CACNB2: variants seen among roughly 807,000 people sequenced by gnomAD.
CACNB2 encodes calcium voltage-gated channel auxiliary subunit beta 2, also known as voltage-dependent L-type calcium channel subunit beta-2.
CACNB2 carries 42 observed loss-of-function variants against 73.3 expected under a neutral mutation model. That is an observed-to-expected ratio of 0.57 (90% CI 0.45 to 0.74). The LOEUF (loss-of-function observed/expected upper bound fraction) is 0.74, where lower values mean the gene tolerates loss of function less well. Ranked by LOEUF, CACNB2 falls within the 30% of genes least tolerant of loss-of-function variation. The pLI is 0.00. For synonymous variants in CACNB2, 348 were observed against 310.3 expected, an observed-to-expected ratio of 1.12 and a Z score of -1.28; for missense variants, 940 against 853.0, an observed-to-expected ratio of 1.10 and a Z score of -1.27.
chr10:18,407,246 T>C (rs2044349162), intron 3 of CACNB2, among the ~76,000 whole-genome samples: 1 of 149,300 alleles, frequency 6.7e-6, no homozygotes, highest in African/African-American at 2.5e-5. Flanking sequence ...CTCAGCCTTC[T>C]GAGTAGCTGG....
chr10:18,430,865 G>T (rs1216656640), intron 3 of CACNB2, among the ~76,000 whole-genome samples: 1 of 152,214 alleles, frequency 6.6e-6, no homozygotes. Context: ...TGTATTTGCA[G>T]TTAGTGTCAA....
chr10:18,387,288 T>C (rs2043276279), intron 2 of CACNB2, among the ~76,000 whole-genome samples: 1 of 152,222 alleles, frequency 6.6e-6, no homozygotes, highest in Non-Finnish European at 1.5e-5. Flanking sequence ...CTCCCTGCCA[T>C]CTTCCCTCAT....
chr10:18,296,967 CT>C (rs1428923518), intron 2 of CACNB2, among the ~76,000 whole-genome samples: 1 of 152,220 alleles, frequency 6.6e-6, no homozygotes, highest in African/African-American at 2.4e-5. Flanking sequence ...AACACTTTTC[CT>C]GTAGGAGTAT....
intron 3 of CACNB2, among the ~76,000 whole-genome samples, chr10:18,410,730 C>T (rs1391442834): frequency 6.6e-6 from 1 of 152,054 alleles, no homozygotes; most frequent in African/African-American, 2.4e-5. Context: ...GCCTGTAATC[C>T]CAGCACTTTG....
chr10:18,158,017 C>T (rs2032185933), intron 2 of CACNB2, among the ~76,000 whole-genome samples: 1 of 152,136 alleles, frequency 6.6e-6, no homozygotes. Flanking sequence ...TCTTGCTGGT[C>T]ATGAAAAGTG....
intron 2 of CACNB2, among the ~76,000 whole-genome samples, chr10:18,315,499 TAAAAAAAA>T (rs756721525): frequency 2.0e-4 from 8 of 39,518 alleles, no homozygotes; most frequent in East Asian, 8.1e-4. Context: ...TGTCTCTATT[TAAAAAAAA>T]AAAAAAAAAA....
intron 2 of CACNB2, among the ~76,000 whole-genome samples, chr10:18,371,355 C>A (rs181907465): frequency 8.5e-5 from 13 of 152,142 alleles, no homozygotes; most frequent in East Asian, 1.9e-4. Flanking sequence ...ATCCCTCCCC[C>A]CTTTCCCCGA....
At position 18,510,451 on chromosome 10, in the gene CACNB2, G is replaced by A. The variant is rs887156904; in HGVS notation, c.671-3785G>A. 5.3e-5 allele frequency among the ~76,000 whole-genome samples: 8 copies of A among 152,044 alleles called. No individual in the cohort carries two copies. The South Asian group carries it at 8.3e-4, about 16-fold the overall frequency. ...CCAAGTAGCTGGGATTACAGGCACC[G>A]GCCACCACACCTGGCTAATCTTTGT... On this transcript the variant is annotated intron_variant, in intron 6 of 13. Coordinates refer to ENST00000324631, the MANE Select transcript of CACNB2 (RefSeq NM_201596.3).
intron 2 of CACNB2, among the ~76,000 whole-genome samples, chr10:18,235,532 A>T (rs28656923): frequency 0.047 from 7,186 of 152,278 alleles, 587 homozygotes; most frequent in African/African-American, 0.16. Flanking sequence ...ATAATAATAA[A>T]ACAACACAGT....
At chr10:18,315,320 C>A (rs1015466995) in intron 2 of CACNB2, among the ~76,000 whole-genome samples, 1 of 146,770 alleles carries the variant, frequency 6.8e-6, no homozygotes, top group Non-Finnish European at 1.5e-5. Context: ...GGCAACAGAG[C>A]GAGACTCTGT....
chr10:18,377,211 A>C (rs1245248478), intron 2 of CACNB2, among the ~76,000 whole-genome samples: 1 of 152,210 alleles, frequency 6.6e-6, no homozygotes, highest in Non-Finnish European at 1.5e-5. Flanking sequence ...GTATGTGAGA[A>C]GGGGAGGAGA....
At chr10:18,461,116 A>G (rs12256244) in intron 3 of CACNB2, among the ~76,000 whole-genome samples, 44,514 of 151,722 alleles carry the variant, frequency 0.29, 7,535 homozygotes, top group Middle Eastern at 0.46. Flanking sequence ...TTTAGTAGAG[A>G]TGGGGTTTCT....
At chr10:18,253,641 A>G (rs1272140694) in intron 2 of CACNB2, among the ~76,000 whole-genome samples, 2 of 152,172 alleles carry the variant, frequency 1.3e-5, no homozygotes, top group Non-Finnish European at 2.9e-5. Context: ...AACTGGTCAA[A>G]TGGATTCTCT....
chr10:18,247,655 A>T (rs542204305), intron 2 of CACNB2, among the ~76,000 whole-genome samples: 4 of 152,190 alleles, frequency 2.6e-5, no homozygotes, highest in East Asian at 1.9e-4. Flanking sequence ...AATAGCATCA[A>T]TTGGGTGGCT....
chr10:18,315,499 T>TA (rs756721525), intron 2 of CACNB2, among the ~76,000 whole-genome samples: 8,626 of 39,184 alleles, frequency 0.22, 1,036 homozygotes, highest in Non-Finnish European at 0.25. Context: ...TGTCTCTATT[T>TA]AAAAAAAAAA....
At chr10:18,463,005 A>G (rs1018002705) in intron 3 of CACNB2, among the ~76,000 whole-genome samples, 2 of 152,098 alleles carry the variant, frequency 1.3e-5, no homozygotes, top group Non-Finnish European at 2.9e-5. Flanking sequence ...GGTCCACCCA[A>G]CTTGGCCTTC....
chr10:18,237,786 G>A (rs1424676592), intron 2 of CACNB2, among the ~76,000 whole-genome samples: 1 of 152,200 alleles, frequency 6.6e-6, no homozygotes, highest in African/African-American at 2.4e-5. Context: ...ACCCAACAGG[G>A]GTAATGGTAT....
At chr10:18,488,173 A>C (rs2049171086) in intron 3 of CACNB2, among the ~76,000 whole-genome samples, 1 of 151,812 alleles carries the variant, frequency 6.6e-6, no homozygotes, top group African/African-American at 2.4e-5. Flanking sequence ...GAAGATCTAA[A>C]TAAATAAAAA....
chr10:18,508,937 T>G (rs914977254), intron 6 of CACNB2, among the ~76,000 whole-genome samples: 3 of 152,238 alleles, frequency 2.0e-5, no homozygotes, highest in Non-Finnish European at 4.4e-5. Flanking sequence ...CATTCCATTT[T>G]GTAGGCAGAT....
Sources: gnomAD v4.1 joint callset for allele counts (sites outside exome capture counted in the v4.1 genomes callset) on GRCh38, gnomAD v4.1.1 for gene constraint, MANE v1.5 for transcripts, NCBI Gene and HGNC (gene_info 2026-07-23, HGNC 2026-07-21) for gene names.